PPP4R3B: variants seen among roughly 807,000 people sequenced by gnomAD.
PPP4R3B encodes the protein serine/threonine-protein phosphatase 4 regulatory subunit 3B.
Under a neutral mutation model 95.4 loss-of-function variants are expected in PPP4R3B, and 52 were observed. The observed-to-expected ratio is 0.54, with a 90% CI of 0.44 to 0.69. The LOEUF is 0.69. Ranked by LOEUF, PPP4R3B falls within the 30% of genes least tolerant of loss-of-function variation. PPP4R3B has a pLI of 0.00. For missense variants in PPP4R3B, 1,003 were observed against 1,005.9 expected, an observed-to-expected ratio of 1.00 and a Z score of 0.04; for synonymous variants, 407 against 343.9, an observed-to-expected ratio of 1.18 and a Z score of -2.03.
intron 2 of PPP4R3B, among the ~76,000 whole-genome samples, chr2:55,608,774 A>C (rs1011742859): frequency 6.6e-6 from 1 of 152,198 alleles, no homozygotes; most frequent in Non-Finnish European, 1.5e-5. Flanking sequence ...TGTTAAGCGC[A>C]GGAGTTTGAA....
At chr2:55,571,870 T>C (rs1433328388) in intron 12 of PPP4R3B, among the ~76,000 whole-genome samples, 2 of 152,174 alleles carry the variant, frequency 1.3e-5, no homozygotes, top group African/African-American at 4.8e-5. Context: ...CCACCCGCCT[T>C]GGCCTCCCAA....
chr2:55,567,697 T>C (rs1234719414), intron 13 of PPP4R3B, among the ~76,000 whole-genome samples: 3 of 152,320 alleles, frequency 2.0e-5, no homozygotes, highest in East Asian at 3.9e-4. Flanking sequence ...ATTACAGACG[T>C]AAGCCACCAC....
intron 2 of PPP4R3B, among the ~76,000 whole-genome samples, chr2:55,605,388 C>T (rs1395402691): frequency 6.6e-6 from 1 of 152,134 alleles, no homozygotes; most frequent in Non-Finnish European, 1.5e-5. Context: ...AGATCCAAGA[C>T]AAAGTGTTGA....
In PPP4R3B at chr2:55,581,552, AG is replaced by A. The variant is rs1304497688; in HGVS notation, c.1365+14del. ...GACTAGGCCAAAACATTTTTATCTCAGAGTAATTTCTTACATTAGTTGTAGC... is the reference window on the plus strand; with the variant it reads ...GACTAGGCCAAAACATTTTTATCTCAAGTAATTTCTTACATTAGTTGTAGC... On this transcript the variant is annotated intron_variant, in intron 8 of 16. Coordinates refer to ENST00000616407, the MANE Select transcript of PPP4R3B (RefSeq NM_001122964.3). The A allele has an allele frequency of 1.1e-5, 17 of 1,602,466 alleles. No homozygotes were observed. Among genetic ancestry groups the A allele is most frequent in the Non-Finnish European group, 1.4e-5 (17 of 1,175,600 alleles).
chr2:55,575,029 C>T (rs1688484962), intron 11 of PPP4R3B, among the ~76,000 whole-genome samples: 1 of 150,732 alleles, frequency 6.6e-6, no homozygotes, highest in Non-Finnish European at 1.5e-5. Context: ...GCTCCGCCTC[C>T]CGGGTTCACG....
intron 5 of PPP4R3B, 112 bp downstream of exon 5, chr2:55,588,767 T>C: frequency 1.7e-6 from 1 of 582,652 alleles, no homozygotes; most frequent in Non-Finnish European, 3.0e-6. Context: ...ATACTTTTCA[T>C]CTCTTACTAA....
At position 55,568,354 on chromosome 2, in the gene PPP4R3B, C is replaced by T; in HGVS notation, c.1775G>A (p.Arg592His). The change falls in exon 13 of 17, where the codon CGC (arginine) becomes CAC (histidine). Residue 592 changes from arginine (R) to histidine (H), a missense_variant. By Grantham distance (29) the Arg-to-His change is conservative. Coordinates refer to ENST00000616407, the MANE Select transcript of PPP4R3B (RefSeq NM_001122964.3). Reference sequence around the variant, plus strand: ...AAGTCCAATTATCCGCCTCATAAAGCGAAGGGCACCTAATTAAAAATAATA... The same window carrying T: ...AAGTCCAATTATCCGCCTCATAAAGTGAAGGGCACCTAATTAAAAATAATA... ...KHTFLALCAL[R>H]FMRRIIGLKD... 1 of 1,591,660 alleles carries T rather than the reference C, an allele frequency of 6.3e-7. No homozygotes were observed. Among genetic ancestry groups the T allele is most frequent in the Non-Finnish European group, 8.5e-7 (1 of 1,171,592 alleles).
chr2:55,577,350 A>G lies in PPP4R3B; in HGVS notation c.1571T>C (p.Ile524Thr). 1 of 1,514,064 alleles carries G rather than the reference A, an allele frequency of 6.6e-7. No individual in the cohort carries two copies. The highest frequency in any genetic ancestry group is 8.8e-7 in the Non-Finnish European group (1 of 1,134,456). 93.8% of individuals were successfully genotyped at this position (1,514,064 alleles called of 1,614,324 possible). ...TGTGTTGTTTTTGTTTGATCCAACTATATTATCTAATAAAAAAATTAAAAA... is the reference window on the plus strand; with the variant it reads ...TGTGTTGTTTTTGTTTGATCCAACTGTATTATCTAATAAAAAAATTAAAAA... Reference protein sequence around the residue: ...TPSSSISQDNIVGSNKNNTIC... With the variant: ...TPSSSISQDNTVGSNKNNTIC... The change falls in exon 11 of 17, where the codon ATA becomes ACA. Residue 524 changes from isoleucine (I) to threonine (T), a missense_variant. Around this residue, in one of 3 missense-constraint regions of PPP4R3B, gnomAD observed 695 missense variants for 686.2 expected, o/e 1.01. Transcript: ENST00000616407.
At chr2:55,568,008 A>T (rs1687525705) in intron 13 of PPP4R3B, 186 bp downstream of exon 13, 2 of 341,286 alleles carry the variant, frequency 5.9e-6, no homozygotes, top group Non-Finnish European at 1.0e-5. Flanking sequence ...CCATGTGGCA[A>T]ATAAGAATTA....
At chr2:55,598,289 A>G in intron 4 of PPP4R3B, 127 bp downstream of exon 4, 1 of 940,626 alleles carries the variant, frequency 1.1e-6, no homozygotes, top group Non-Finnish European at 1.6e-6. Context: ...TTTACTTTAA[A>G]TGTACTTAAT....
chr2:55,617,236 C>T lies in PPP4R3B; in HGVS notation c.50G>A (p.Arg17Gln). 6.2e-7 allele frequency: 1 copy of T among 1,614,052 alleles called. No individual in the cohort carries two copies. Among genetic ancestry groups the T allele is most frequent in the Non-Finnish European group, 8.5e-7 (1 of 1,179,952 alleles). Residue 17 changes from arginine to glutamine, a missense_variant, in exon 1 of 17, where the codon CGG (arginine) becomes CAG (glutamine). This residue lies in a region of PPP4R3B where 695 missense variants were observed against 686.2 expected (regional missense o/e 1.01). Transcript: ENST00000616407. ...CCCGGTGCCTCGGTCGTCCCATTGC[C>T]GGTCTTCGTTCAGGGTATAGACCTT... The part of the protein sequence containing the change: ...RVKVYTLNED[R>Q]QWDDRGTGHV...
intron 3 of PPP4R3B, among the ~76,000 whole-genome samples, chr2:55,600,284 G>C (rs1007531603): frequency 1.3e-5 from 2 of 152,024 alleles, no homozygotes; most frequent in African/African-American, 2.4e-5. Flanking sequence ...AAATTAGCTG[G>C]GCGTGGTGGC....
At chr2:55,589,933 T>C (rs1319237743) in intron 4 of PPP4R3B, among the ~76,000 whole-genome samples, 3 of 134,050 alleles carry the variant, frequency 2.2e-5, no homozygotes, top group Non-Finnish European at 3.3e-5. Flanking sequence ...AAAAAAATTA[T>C]ATATATATAA....
intron 4 of PPP4R3B, chr2:55,591,466 C>G (rs1447004519): frequency 3.2e-6 from 3 of 943,276 alleles, no homozygotes; most frequent in African/African-American, 1.8e-5. Context: ...TACTTTTAGT[C>G]TTAATATTTT....
chr2:55,579,205 T>A (rs1689108429), intron 9 of PPP4R3B, among the ~76,000 whole-genome samples: 1 of 152,068 alleles, frequency 6.6e-6, no homozygotes, highest in African/African-American at 2.4e-5. Context: ...GAAATGCAAT[T>A]TTAAAAATAC....
Position 55,598,624 on chromosome 2 carries a change from T to A in PPP4R3B, c.713A>T (p.His238Leu). 1 of 1,614,212 alleles carries A rather than the reference T, an allele frequency of 6.2e-7. No individual in the cohort carries two copies. ...YDPALAQPKR[H>L]REFLTKTAKF... ...TGCAGTTTTGGTCAAGAATTCTCTA[T>A]GTCTTTTTGGCTGAGCCAAAGCAGG... Residue 238 changes from histidine (H) to leucine (L), a missense_variant, in exon 4 of 17, where the codon CAT becomes CTT. Physicochemically the swap from His to Leu is moderately conservative, Grantham distance 99. Coordinates refer to ENST00000616407, the MANE Select transcript of PPP4R3B (RefSeq NM_001122964.3).
At chr2:55,608,240 G>A (rs780486595) in intron 2 of PPP4R3B, among the ~76,000 whole-genome samples, 8 of 152,168 alleles carry the variant, frequency 5.3e-5, no homozygotes, top group South Asian at 4.1e-4. Flanking sequence ...CCCGACCTCA[G>A]GTGATCTGCC....
intron 2 of PPP4R3B, among the ~76,000 whole-genome samples, chr2:55,609,805 A>G (rs1193770265): frequency 6.6e-6 from 1 of 152,200 alleles, no homozygotes; most frequent in Non-Finnish European, 1.5e-5. Context: ...TACCAATAAA[A>G]GGGAAAAAAT....
At chr2:55,582,706 A>G (rs1190410681) in intron 7 of PPP4R3B, among the ~76,000 whole-genome samples, 2 of 152,214 alleles carry the variant, frequency 1.3e-5, no homozygotes, top group Non-Finnish European at 2.9e-5. Flanking sequence ...GGTTTGATGG[A>G]TTCAGTAAAC....
Sources: allele counts gnomAD v4.1 joint callset (sites outside exome capture counted in the v4.1 genomes callset), GRCh38; gene constraint gnomAD v4.1.1; regional missense constraint gnomAD v4.1.1; transcripts MANE v1.5; gene names NCBI Gene and HGNC (gene_info 2026-07-23, HGNC 2026-07-21).